Variants in DNAH5 observed in about 807,000 individuals in gnomAD.
The protein encoded by DNAH5 is dynein axonemal heavy chain 5.
DNAH5 carries 372 observed loss-of-function variants against 518.2 expected under a neutral mutation model. That is an observed-to-expected ratio of 0.72 (90% CI 0.66 to 0.78). The LOEUF (loss-of-function observed/expected upper bound fraction) is 0.78. Ranked by LOEUF, DNAH5 falls within the 30% of genes least tolerant of loss-of-function variation. DNAH5 has a pLI of 0.00. For synonymous variants in DNAH5, 2,039 were observed against 2,025.9 expected, an observed-to-expected ratio of 1.01 and a Z score of -0.17; for missense variants, 5,523 against 5,687.0, an observed-to-expected ratio of 0.97 and a Z score of 0.93.
At chr5:13,972,354 A>G (rs1781934730) in intron 1 of DNAH5, among the ~76,000 whole-genome samples, 1 of 152,228 alleles carries the variant, frequency 6.6e-6, no homozygotes, top group Non-Finnish European at 1.5e-5. Context: ...GATTCTGTCC[A>G]GGAAACCTCA....
chr5:13,921,482 CACACACACA>C (rs1561577464), intron 5 of DNAH5, among the ~76,000 whole-genome samples: 2,480 of 134,480 alleles, frequency 0.018, 114 homozygotes, highest in African/African-American at 0.068. Flanking sequence ...CTCTCACACA[CACACACACA>C]CACACACACA....
chr5:13,871,629 TTTTGGA>T lies in DNAH5; in HGVS notation c.3527_3532del (p.Phe1176_Asn1178delinsTyr). On this transcript the variant is annotated inframe_deletion, in exon 23 of 79. Transcript: ENST00000265104. Reference sequence around the variant, plus strand: ...CTCAGCATTAATTTCCTGCTCTAGGTTTTGGAAATAGAGAATCTGGGACTCAAATTC... The same window carrying T: ...CTCAGCATTAATTTCCTGCTCTAGGTAATAGAGAATCTGGGACTCAAATTC... 3 of 1,613,774 alleles carry T rather than the reference TTTTGGA, an allele frequency of 1.9e-6. No individual in the cohort carries two copies. The highest frequency in any genetic ancestry group is 2.5e-6 in the Non-Finnish European group (3 of 1,179,776).
intron 21 of DNAH5, among the ~76,000 whole-genome samples, chr5:13,877,609 C>G (rs558555034): frequency 2.0e-5 from 3 of 152,132 alleles, no homozygotes; most frequent in Non-Finnish European, 4.4e-5. Flanking sequence ...TATGTTATAA[C>G]CAAAAACATA....
chr5:13,806,705 C>T (rs1364029585), intron 47 of DNAH5, among the ~76,000 whole-genome samples: 1 of 152,086 alleles, frequency 6.6e-6, no homozygotes, highest in African/African-American at 2.4e-5. Flanking sequence ...AGGATTTCCT[C>T]CTCAGTTTCA....
At chr5:13,790,922 G>A (rs1387425140) in intron 50 of DNAH5, among the ~76,000 whole-genome samples, 1 of 152,116 alleles carries the variant, frequency 6.6e-6, no homozygotes, top group Non-Finnish European at 1.5e-5. Context: ...CTACCTGAGG[G>A]TGGAAGGTGA....
chr5:13,811,878 G>T, intron 43 of DNAH5, 55 bp from the exon 44 acceptor site: 1 of 1,553,032 alleles, frequency 6.4e-7, no homozygotes, highest in South Asian at 1.1e-5. Flanking sequence ...CTAGGAAAAT[G>T]GTCATTTGGG....
chr5:13,937,748 A>G (rs946616184), intron 1 of DNAH5, among the ~76,000 whole-genome samples: 1 of 152,176 alleles, frequency 6.6e-6, no homozygotes, highest in Non-Finnish European at 1.5e-5. Flanking sequence ...AGAAAGAGAA[A>G]GAGATCTGAC....
rs1246573323 is a variant in DNAH5 at position 13,737,384 on chromosome 5, G to A, written c.11323C>T (p.Leu3775=). ...ACAATGAGACTTTCATCTTCTACCAGGGACCCCTGGGTACTTGTCAGGCGG... is the reference window on the plus strand; with the variant it reads ...ACAATGAGACTTTCATCTTCTACCAAGGACCCCTGGGTACTTGTCAGGCGG... ...LYRLTSTQGS[L]VEDESLIVVL... is the part of the protein sequence containing the mutation. The change falls in exon 66 of 79, where the codon CTG becomes TTG. Residue 3775 remains leucine (L), a synonymous_variant. Transcript: ENST00000265104. 6.2e-7 allele frequency: 1 copy of A among 1,613,960 alleles called. No individual in the cohort carries two copies. The highest frequency in any genetic ancestry group is 8.5e-7 in the Non-Finnish European group (1 of 1,180,010).
At chr5:13,950,050 C>T (rs2152035425) in intron 1 of DNAH5, among the ~76,000 whole-genome samples, 2 of 152,300 alleles carry the variant, frequency 1.3e-5, no homozygotes, top group South Asian at 4.1e-4. Flanking sequence ...AAGCATACTG[C>T]ATGCTGAAAG....
intron 71 of DNAH5, among the ~76,000 whole-genome samples, chr5:13,720,740 T>C (rs186342659): frequency 3.9e-5 from 6 of 152,300 alleles, no homozygotes; most frequent in African/African-American, 1.4e-4. Context: ...TTCTTTGGGA[T>C]TCCATTCTCT....
In DNAH5 at chr5:13,922,102, C is replaced by G. The variant is rs751030707; in HGVS notation, c.660+5G>C. 2 of 1,613,810 alleles carry G rather than the reference C, an allele frequency of 1.2e-6. No homozygotes were observed. Among genetic ancestry groups the G allele is most frequent in the Non-Finnish European group, 8.5e-7 (1 of 1,179,888 alleles). On this transcript the variant is annotated splice_donor_5th_base_variant and intron_variant, in intron 5 of 78. Coordinates refer to ENST00000265104, the MANE Select transcript of DNAH5 (RefSeq NM_001369.3). ...TTTTTAAAGGAACAGCTTATTCGTC[C>G]TCACCTTCTCCTTCAGACTCTCCTG... is the stretch of plus-strand genomic sequence containing the variant.
chr5:13,998,189 T>C (rs955762092), intron 1 of DNAH5, among the ~76,000 whole-genome samples: 1 of 152,226 alleles, frequency 6.6e-6, no homozygotes, highest in African/African-American at 2.4e-5. Flanking sequence ...ATCAAGATGC[T>C]GGCAGGTTCA....
intron 1 of DNAH5, among the ~76,000 whole-genome samples, chr5:13,975,053 G>A (rs544516181): frequency 4.6e-4 from 70 of 152,300 alleles, no homozygotes; most frequent in African/African-American, 1.6e-3. Context: ...CTGTAGGGGC[G>A]TTGATGAACT....
intron 1 of DNAH5, among the ~76,000 whole-genome samples, chr5:13,973,003 T>G (rs920825774): frequency 6.6e-6 from 1 of 152,220 alleles, no homozygotes; most frequent in Non-Finnish European, 1.5e-5. Context: ...TGTGAATATA[T>G]TACCTTACGT....
chr5:13,950,045 T>C (rs1780259051), intron 1 of DNAH5, among the ~76,000 whole-genome samples: 1 of 152,224 alleles, frequency 6.6e-6, no homozygotes. Context: ...ATCCCAAGCA[T>C]ACTGCATGCT....
At position 13,950,031 on chromosome 5, in the gene DNAH5, T is replaced by C. The variant is rs570771490; in HGVS notation, c.13-18787A>G. Among the ~76,000 whole-genome samples the C allele has an allele frequency of 2.0e-5, 3 of 152,326 alleles. No homozygotes were observed. In the South Asian group the frequency reaches 6.2e-4, roughly 32 times the overall value. Reference sequence around the variant, plus strand: ...AAATGCACAACCTAAGTGAAGGATCTCAGATCCCAAGCATACTGCATGCTG... The same window carrying C: ...AAATGCACAACCTAAGTGAAGGATCCCAGATCCCAAGCATACTGCATGCTG... On this transcript the variant is annotated intron_variant, in intron 1 of 78. Transcript: ENST00000681290.
chr5:14,006,928 GAGCCTCCAGTGGCCTTGGGTCTTCTC>G (rs1251003714), intron 1 of DNAH5, among the ~76,000 whole-genome samples: 1 of 152,094 alleles, frequency 6.6e-6, no homozygotes, highest in Admixed American at 6.6e-5. Flanking sequence ...GCTCCACTCT[GAGCCTCCAGTGGCCTTGGGTCTTCTC>G]AGAGGTCACT....
rs1347379164 is a variant in DNAH5 at position 13,839,546 on chromosome 5, T to A, written c.5710-18A>T. The A allele has an allele frequency of 1.6e-5, 25 of 1,604,202 alleles. No individual in the cohort carries two copies. The highest frequency in any genetic ancestry group is 2.1e-5 in the Non-Finnish European group (25 of 1,171,778). Reference sequence around the variant, plus strand: ...ATATGACACTGAAATTCAAAAGGTATATGTTAGAGCTCTGATGAGAATCAC... The same window carrying A: ...ATATGACACTGAAATTCAAAAGGTAAATGTTAGAGCTCTGATGAGAATCAC... On this transcript the variant is annotated intron_variant, in intron 34 of 78. Coordinates refer to ENST00000265104, the MANE Select transcript of DNAH5 (RefSeq NM_001369.3).
At position 13,729,578 on chromosome 5, in the gene DNAH5, A is replaced by G. The variant is rs779198542; in HGVS notation, c.11762-18T>C. ...GGCACCTCCTTTAAAATTAAATATT[A>G]AATTATCAGATTTCCCTTCCTTCAC... On this transcript the variant is annotated intron_variant, in intron 68 of 78. Coordinates refer to ENST00000265104, the MANE Select transcript of DNAH5 (RefSeq NM_001369.3). The G allele has an allele frequency of 7.5e-6, 12 of 1,597,022 alleles. No individual in the cohort carries two copies. The highest frequency in any genetic ancestry group is 4.5e-5 in the South Asian group (4 of 89,014).
Sources: allele counts gnomAD v4.1 joint callset (sites outside exome capture counted in the v4.1 genomes callset), GRCh38; gene constraint gnomAD v4.1.1; transcripts MANE v1.5; gene names NCBI Gene and HGNC (gene_info 2026-07-23, HGNC 2026-07-21).